TECRL: variants seen among roughly 807,000 people sequenced by gnomAD.
TECRL encodes the protein trans-2,3-enoyl-CoA reductase-like.
TECRL carries 63 observed loss-of-function variants against 52.8 expected under a neutral mutation model. That is an observed-to-expected ratio of 1.19 (90% CI 0.97 to 1.47). The LOEUF is 1.47. Ranked by LOEUF, TECRL falls within the 40% of genes most tolerant of loss-of-function variation. TECRL has a pLI of 0.00. For synonymous variants in TECRL, 164 were observed against 141.9 expected, an observed-to-expected ratio of 1.16 and a Z score of -1.10; for missense variants, 482 against 429.6, an observed-to-expected ratio of 1.12 and a Z score of -1.08.
At chr4:64,337,805 A>T (rs1037169156) in intron 2 of TECRL, among the ~76,000 whole-genome samples, 4 of 152,168 alleles carry the variant, frequency 2.6e-5, no homozygotes, top group Admixed American at 2.6e-4. Context: ...ATAGAAGAAC[A>T]TTCCATGCTC....
intron 1 of TECRL, among the ~76,000 whole-genome samples, chr4:64,388,381 T>C (rs186238933): frequency 6.6e-6 from 1 of 152,076 alleles, no homozygotes. Context: ...CATTGATACA[T>C]TTGTTTTTTC....
At chr4:64,366,995 A>C (rs1327576337) in intron 2 of TECRL, among the ~76,000 whole-genome samples, 5 of 152,176 alleles carry the variant, frequency 3.3e-5, no homozygotes, top group African/African-American at 1.2e-4. Flanking sequence ...GAAGCTCATC[A>C]ACAGTGGACT....
At chr4:64,397,951 A>C (rs1352181155) in intron 1 of TECRL, among the ~76,000 whole-genome samples, 1 of 151,870 alleles carries the variant, frequency 6.6e-6, no homozygotes, top group East Asian at 1.9e-4. Flanking sequence ...GTCCTAAAAA[A>C]TGTGCCCAAT....
intron 9 of TECRL, among the ~76,000 whole-genome samples, chr4:64,283,172 T>C (rs974453446): frequency 6.6e-6 from 1 of 152,186 alleles, no homozygotes; most frequent in African/African-American, 2.4e-5. Flanking sequence ...TTTTAGAATG[T>C]CCCATGCAAT....
intron 8 of TECRL, among the ~76,000 whole-genome samples, chr4:64,291,400 G>T (rs991441914): frequency 6.6e-6 from 1 of 151,796 alleles, no homozygotes; most frequent in Non-Finnish European, 1.5e-5. Context: ...TTTAGTCTTC[G>T]TATCTTTTGT....
intron 1 of TECRL, among the ~76,000 whole-genome samples, chr4:64,387,779 T>G (rs1723279609): frequency 6.6e-6 from 1 of 152,020 alleles, no homozygotes; most frequent in South Asian, 2.1e-4. Flanking sequence ...TTGATAAAAC[T>G]ATGTGATTTG....
In TECRL at chr4:64,299,972, A is replaced by G. The variant is rs1723916590; in HGVS notation, c.774+2T>C. The G allele has an allele frequency of 1.3e-6, 2 of 1,570,940 alleles. No homozygotes were observed. The highest frequency in any genetic ancestry group is 1.2e-5 in the South Asian group (1 of 85,250). On this transcript the variant is annotated splice_donor_variant, in intron 8 of 11. Transcript: ENST00000381210. LOFTEE classifies it high-confidence loss of function. Reference sequence around the variant, plus strand: ...ATAGCAAAATATATATATGATACATACCAGAAAATTGATAGCAGATACTGT... The same window carrying G: ...ATAGCAAAATATATATATGATACATGCCAGAAAATTGATAGCAGATACTGT...
At chr4:64,385,327 C>T (rs1257743593) in intron 1 of TECRL, among the ~76,000 whole-genome samples, 1 of 152,156 alleles carries the variant, frequency 6.6e-6, no homozygotes, top group Admixed American at 6.5e-5. Flanking sequence ...TGGCCAGTCC[C>T]CAGACACCCT....
rs1427154195 is a variant in TECRL, at chr4:64,314,008, A to G, written c.551+640T>C. 4.2e-5 allele frequency among the ~76,000 whole-genome samples: 6 copies of G among 143,250 alleles called. No individual in the cohort carries two copies. The South Asian group carries it at 9.1e-4, about 22-fold the overall frequency. 94.0% of individuals were successfully genotyped at this position (143,250 alleles called of 152,430 possible). A position where few individuals can be genotyped will look rare whatever the true frequency, so the allele number is the denominator to read the frequency against. ...AAAAAAAAAAAAAAAAAATTAGCTG[A>G]GCATTGTGGCAAGCACCTGTAGTCC... On this transcript the variant is annotated intron_variant, in intron 5 of 11. Transcript: ENST00000381210.
chr4:64,313,986 A>C (rs1185720505), intron 5 of TECRL, among the ~76,000 whole-genome samples: 1 of 135,442 alleles, frequency 7.4e-6, no homozygotes, highest in African/African-American at 3.0e-5. Flanking sequence ...ACAAAAAAAA[A>C]AAAAAAAAAA....
intron 5 of TECRL, among the ~76,000 whole-genome samples, chr4:64,310,767 G>T (rs572642454): frequency 6.6e-6 from 1 of 152,178 alleles, no homozygotes; most frequent in Admixed American, 6.5e-5. Flanking sequence ...TTGCTGTGTT[G>T]TCCAGGCTGC....
intron 4 of TECRL, among the ~76,000 whole-genome samples, chr4:64,315,583 A>T (rs928056079): frequency 3.5e-5 from 5 of 140,902 alleles, no homozygotes; most frequent in African/African-American, 1.3e-4. Context: ...ACTACCATTA[A>T]CTATTTTGTC....
chr4:64,314,485 T>C (rs1041108900), intron 5 of TECRL, among the ~76,000 whole-genome samples, 163 bp downstream of exon 5: 1 of 152,202 alleles, frequency 6.6e-6, no homozygotes, highest in Non-Finnish European at 1.5e-5. Context: ...TGTGTGGTTA[T>C]CTAAAATACA....
downstream of TECRL, among the ~76,000 whole-genome samples, chr4:64,277,240 T>C (rs1012876000): frequency 3.5e-4 from 53 of 151,974 alleles, no homozygotes; most frequent in African/African-American, 1.2e-3. Flanking sequence ...ATACTTAAAG[T>C]CCTTCTTCTA....
At chr4:64,403,203 A>G (rs1186862472) in intron 1 of TECRL, among the ~76,000 whole-genome samples, 1 of 151,900 alleles carries the variant, frequency 6.6e-6, no homozygotes, top group African/African-American at 2.4e-5. Flanking sequence ...ATTGTTCTTT[A>G]CAAATGTATC....
At chr4:64,305,090 T>C in intron 7 of TECRL, 76 bp downstream of exon 7, 1 of 1,010,220 alleles carries the variant, frequency 9.9e-7, no homozygotes, top group Admixed American at 2.4e-5. Flanking sequence ...ACTTATTCCT[T>C]TATGTATGTC....
chr4:64,284,204 T>C (rs1722972378), intron 9 of TECRL, among the ~76,000 whole-genome samples: 3 of 152,024 alleles, frequency 2.0e-5, no homozygotes, highest in South Asian at 4.1e-4. Context: ...AACACACTAA[T>C]GATATGCACC....
chr4:64,379,062 G>GA (rs1209200901), intron 1 of TECRL, among the ~76,000 whole-genome samples: 8 of 151,154 alleles, frequency 5.3e-5, no homozygotes, highest in Non-Finnish European at 8.8e-5. Context: ...CGTTTCTATT[G>GA]AAAAAAATGT....
intron 2 of TECRL, among the ~76,000 whole-genome samples, chr4:64,337,817 T>G (rs1719222747): frequency 6.6e-6 from 1 of 152,178 alleles, no homozygotes; most frequent in South Asian, 2.1e-4. Flanking sequence ...TCCATGCTCA[T>G]GGATAGGAAG....
Sources: allele counts gnomAD v4.1 joint callset (sites outside exome capture counted in the v4.1 genomes callset), GRCh38; gene constraint gnomAD v4.1.1; transcripts MANE v1.5; gene names NCBI Gene and HGNC (gene_info 2026-07-23, HGNC 2026-07-21).